The following DERA variants were observed in gnomAD, a reference collection of about 807,000 sequenced individuals.
DERA encodes the protein deoxyribose-phosphate aldolase.
A neutral mutation model predicts 41.1 loss-of-function variants in DERA; 15 were observed. The ratio of observed to expected loss-of-function variants is 0.37; its 90% CI spans 0.24 to 0.56. DERA has a LOEUF of 0.56. Among genes scored for constraint, DERA ranks in the 20% least tolerant of loss-of-function variants. The pLI is 0.81. For synonymous variants in DERA, 139 were observed against 137.4 expected, an observed-to-expected ratio of 1.01 and a Z score of -0.08; for missense variants, 396 against 403.4, an observed-to-expected ratio of 0.98 and a Z score of 0.16.
In DERA at chr12:16,011,533, T is replaced by G. The variant is rs1451482634; in HGVS notation, c.638-21009T>G. Among the ~76,000 whole-genome samples, 1 of 152,160 alleles carries G rather than the reference T, an allele frequency of 6.6e-6. No homozygotes were observed. Among genetic ancestry groups the G allele is most frequent in the Admixed American group, 6.5e-5 (1 of 15,270 alleles). ...GATTTGGGATGCTCTACTTGTACCT[T>G]GCTTGTATTGAGGTTCCATTTCCCC... On this transcript the variant is annotated intron_variant, in intron 6 of 8. Coordinates refer to ENST00000428559, the MANE Select transcript of DERA (RefSeq NM_015954.4). The surrounding 1 kb of genome is among the most constrained non-coding windows in gnomAD (Gnocchi z 4.7).
intron 1 of DERA, among the ~76,000 whole-genome samples, chr12:15,914,976 C>A: frequency 6.6e-6 from 1 of 152,096 alleles, no homozygotes; most frequent in East Asian, 1.9e-4. Flanking sequence ...CGGGTTTTTG[C>A]CATGTTGGCC....
intron 1 of DERA, among the ~76,000 whole-genome samples, chr12:15,945,162 G>A (rs1386260510): frequency 7.2e-5 from 11 of 152,244 alleles, no homozygotes; most frequent in South Asian, 2.1e-4. Context: ...GTCAGGTAGC[G>A]TGATACCTCC....
In DERA at chr12:15,935,789, A is replaced by G. The variant is rs1353147840; in HGVS notation, c.32-21147A>G. Among the ~76,000 whole-genome samples, 1 of 152,182 alleles carries G rather than the reference A, an allele frequency of 6.6e-6. No individual in the cohort carries two copies. Among genetic ancestry groups the G allele is most frequent in the African/African-American group, 2.4e-5 (1 of 41,448 alleles). Reference sequence around the variant, plus strand: ...TAGGGGCCTGAAACAATAAGCATTTATTATCTCACAACATTTCTCTGGGTC... The same window carrying G: ...TAGGGGCCTGAAACAATAAGCATTTGTTATCTCACAACATTTCTCTGGGTC... On this transcript the variant is annotated intron_variant, in intron 1 of 8. Coordinates refer to ENST00000428559, the MANE Select transcript of DERA (RefSeq NM_015954.4). The surrounding 1 kb of genome is among the most constrained non-coding windows in gnomAD (Gnocchi z 4.8).
intron 7 of DERA, chr12:16,032,895 T>C (rs899670034): frequency 9.9e-6 from 4 of 403,236 alleles, no homozygotes; most frequent in Non-Finnish European, 1.8e-5. Context: ...ACTCACTTTA[T>C]GTCCTTTTGT....
chr12:15,929,596 T>A (rs1264314554), intron 1 of DERA, among the ~76,000 whole-genome samples: 3 of 152,172 alleles, frequency 2.0e-5, no homozygotes, highest in African/African-American at 7.2e-5. Flanking sequence ...TGTGTGTGTC[T>A]GTGTGTGCAT....
Position 15,982,270 on chromosome 12 carries a change from G to A in DERA, c.509-38G>A. 6.3e-7 allele frequency: 1 copy of A among 1,594,232 alleles called. No homozygotes were observed. Among genetic ancestry groups the A allele is most frequent in the Non-Finnish European group, 8.5e-7 (1 of 1,172,272 alleles). On this transcript the variant is annotated intron_variant, in intron 5 of 8. Transcript: ENST00000428559. The surrounding 1 kb of genome is among the most constrained non-coding windows in gnomAD (Gnocchi z 4.0). ...CGGCTGCCAAGTTATGTTATCACTT[G>A]CCTGCTTTGTAACTGCCTCAATTAT...
Position 15,959,630 on chromosome 12 carries a change from G to A in DERA, c.278-199G>A, listed in dbSNP as rs1037175754. Among the ~76,000 whole-genome samples the A allele has an allele frequency of 6.6e-6, 1 of 152,044 alleles. No homozygotes were observed. Among genetic ancestry groups the A allele is most frequent in the Non-Finnish European group, 1.5e-5 (1 of 68,004 alleles). The stretch of plus-strand genomic sequence containing the variant: ...TCAAACTTGTTTTTATGACTTTAAC[G>A]ATAAGAAAATAATCCATATTGTCAA... On this transcript the variant is annotated intron_variant, in intron 3 of 8. Transcript: ENST00000428559. This position sits in a 1 kb window ranked among gnomAD's most constrained non-coding sequence, Gnocchi z 4.5.
intron 6 of DERA, among the ~76,000 whole-genome samples, chr12:16,027,628 T>A (rs577303662): frequency 3.9e-5 from 6 of 152,206 alleles, no homozygotes; most frequent in Non-Finnish European, 7.4e-5. Flanking sequence ...AGGAACAGAT[T>A]ATCCCTAGAG....
chr12:15,972,224 T>C lies in DERA; in HGVS notation c.508+9277T>C, dbSNP rs1948666356. ...ATGATGAATGTAACCTATTCCATTT[T>C]TAAGATAGCAAGCCACCATTGCCTT... is the stretch of plus-strand genomic sequence containing the variant. On this transcript the variant is annotated intron_variant, in intron 5 of 8. Transcript: ENST00000428559. The surrounding 1 kb of genome is among the most constrained non-coding windows in gnomAD (Gnocchi z 4.4). The C allele has an allele frequency of 6.3e-6, 1 of 158,848 alleles. No homozygotes were observed. The highest frequency in any genetic ancestry group is 1.4e-5 in the Non-Finnish European group (1 of 70,760). 9.8% of individuals were successfully genotyped at this position (158,848 alleles called of 1,614,324 possible).
Position 15,966,333 on chromosome 12 carries a change from A to T in DERA, c.508+3386A>T, listed in dbSNP as rs1948622806. 6.6e-6 allele frequency among the ~76,000 whole-genome samples: 1 copy of T among 152,152 alleles called. No individual in the cohort carries two copies. Among genetic ancestry groups the T allele is most frequent in the Non-Finnish European group, 1.5e-5 (1 of 68,026 alleles). On this transcript the variant is annotated intron_variant, in intron 5 of 8. Coordinates refer to ENST00000428559, the MANE Select transcript of DERA (RefSeq NM_015954.4). This position sits in a 1 kb window ranked among gnomAD's most constrained non-coding sequence, Gnocchi z 5.1. ...ACAAAGATTCGTTGGGCATGGTGGC[A>T]CATGCCTGTAATCCCAGCTACTCTG...
rs183111010 is a variant in DERA, at chr12:16,001,801, G to A, written c.637+19365G>A. On this transcript the variant is annotated intron_variant, in intron 6 of 8. Transcript: ENST00000428559. This position sits in a 1 kb window ranked among gnomAD's most constrained non-coding sequence, Gnocchi z 4.1. ...CTCCTGCTTCCCTGAGTCAGAAGTG[G>A]CAGGCACACTAGACGAAGCAGCATT... 6.6e-6 allele frequency among the ~76,000 whole-genome samples: 1 copy of A among 152,180 alleles called. No homozygotes were observed. The highest frequency in any genetic ancestry group is 1.5e-5 in the Non-Finnish European group (1 of 68,044).
At chr12:15,956,265 G>T (rs532511880) in intron 1 of DERA, among the ~76,000 whole-genome samples, 92 of 152,332 alleles carry the variant, frequency 6.0e-4, no homozygotes, top group African/African-American at 2.1e-3. Flanking sequence ...CAGTTAACTG[G>T]AAGAGAAGAG....
At chr12:15,986,550 ATT>A (rs1205360713) in intron 6 of DERA, among the ~76,000 whole-genome samples, 2 of 152,156 alleles carry the variant, frequency 1.3e-5, no homozygotes, top group African/African-American at 4.8e-5. Flanking sequence ...TCTACTTGGA[ATT>A]AATGTTGTTT....
chr12:15,982,958 C>G lies in DERA; in HGVS notation c.637+522C>G, dbSNP rs1033618448. Among the ~76,000 whole-genome samples the G allele has an allele frequency of 3.9e-5, 6 of 152,200 alleles. No homozygotes were observed. The highest frequency in any genetic ancestry group is 8.8e-5 in the Non-Finnish European group (6 of 68,026). ...AGGTCTATCCATTTAGACATCCAAG[C>G]TTGCAGCCTAGGAGTCATGCTTGGT... On this transcript the variant is annotated intron_variant, in intron 6 of 8. Transcript: ENST00000428559. The surrounding 1 kb of genome is among the most constrained non-coding windows in gnomAD (Gnocchi z 4.0).
In DERA at chr12:15,928,704, T is replaced by G. The variant is rs2136129097; in HGVS notation, c.31+17290T>G. Among the ~76,000 whole-genome samples, 1 of 152,276 alleles carries G rather than the reference T, an allele frequency of 6.6e-6. No homozygotes were observed. The highest frequency in any genetic ancestry group is 3.4e-3 in the Middle Eastern group (1 of 294). On this transcript the variant is annotated intron_variant, in intron 1 of 8. Transcript: ENST00000428559. This position sits in a 1 kb window ranked among gnomAD's most constrained non-coding sequence, Gnocchi z 4.6. ...AGCTGTCTGGGAGAAGAATAGAAAATTCGGCTCTCACTAAAGTGTGAAAGC... is the reference window on the plus strand; with the variant it reads ...AGCTGTCTGGGAGAAGAATAGAAAAGTCGGCTCTCACTAAAGTGTGAAAGC...
chr12:16,007,189 GT>G (rs11287161), intron 6 of DERA, among the ~76,000 whole-genome samples: 8,736 of 104,798 alleles, frequency 0.083, 297 homozygotes, highest in African/African-American at 0.24. Flanking sequence ...TTTTTTTTTT[GT>G]TTTTTTTTTT....
Position 15,954,114 on chromosome 12 carries a change from A to G in DERA, c.32-2822A>G, listed in dbSNP as rs1342678332. Among the ~76,000 whole-genome samples, 2 of 152,176 alleles carry G rather than the reference A, an allele frequency of 1.3e-5. No homozygotes were observed. The highest frequency in any genetic ancestry group is 2.9e-5 in the Non-Finnish European group (2 of 68,020). On this transcript the variant is annotated intron_variant, in intron 1 of 8. Transcript: ENST00000428559. The surrounding 1 kb of genome is among the most constrained non-coding windows in gnomAD (Gnocchi z 4.0). ...TGAGTTCTAACCTTTGGTGTACTCA[A>G]AATTGGTTTTTAAGGGGAAAGTTCC...
intron 1 of DERA, among the ~76,000 whole-genome samples, chr12:15,955,123 A>G (rs1326173545): frequency 1.3e-5 from 2 of 152,014 alleles, no homozygotes; most frequent in African/African-American, 2.4e-5. Context: ...AACATGGTGA[A>G]ACCCTGTCTC....
At chr12:15,934,268 G>A (rs1948349720) in intron 1 of DERA, among the ~76,000 whole-genome samples, 1 of 152,076 alleles carries the variant, frequency 6.6e-6, no homozygotes, top group South Asian at 2.1e-4. Flanking sequence ...TGCGGGTTTG[G>A]ATGTATTAGA....
Sources: gnomAD v4.1 joint callset for allele counts (sites outside exome capture counted in the v4.1 genomes callset) on GRCh38, gnomAD v4.1.1 for gene constraint, Gnocchi (gnomAD v3.1) non-coding constraint, MANE v1.5 for transcripts, NCBI Gene and HGNC (gene_info 2026-07-23, HGNC 2026-07-21) for gene names.